The following SNX13 variants were observed in gnomAD, a reference collection of about 807,000 sequenced individuals.
SNX13 encodes sorting nexin 13, also known as sorting nexin-13.
SNX13 carries 45 observed loss-of-function variants against 133.6 expected under a neutral mutation model. That is an observed-to-expected ratio of 0.34 (90% CI 0.27 to 0.43). The LOEUF is 0.43. Ranked by LOEUF, SNX13 falls within the 20% of genes least tolerant of loss-of-function variation. SNX13 has a pLI of 1.00. For missense variants in SNX13, 1,032 were observed against 1,145.1 expected, an observed-to-expected ratio of 0.90 and a Z score of 1.43; for synonymous variants, 414 against 373.9, an observed-to-expected ratio of 1.11 and a Z score of -1.24.
At chr7:17,917,557 A>C (rs1261115067) in intron 1 of SNX13, among the ~76,000 whole-genome samples, 4 of 152,142 alleles carry the variant, frequency 2.6e-5, no homozygotes, top group Non-Finnish European at 5.9e-5. Flanking sequence ...ACAGCAATAA[A>C]AAGAAAAAAA....
chr7:17,800,973 T>A (rs1033578827), intron 22 of SNX13, among the ~76,000 whole-genome samples: 2 of 93,820 alleles, frequency 2.1e-5, no homozygotes, highest in African/African-American at 7.9e-5. Flanking sequence ...TACAAATAAT[T>A]TGAAAAAGTA....
intron 1 of SNX13, among the ~76,000 whole-genome samples, chr7:17,903,719 T>C (rs1169665531): frequency 6.6e-6 from 1 of 152,204 alleles, no homozygotes; most frequent in African/African-American, 2.4e-5. Flanking sequence ...CTTTAACCCA[T>C]AAAATTTGTC....
intron 10 of SNX13, 126 bp from the exon 11 acceptor site, chr7:17,850,561 C>A (rs899722198): frequency 7.7e-6 from 5 of 651,306 alleles, no homozygotes; most frequent in African/African-American, 3.8e-5. Context: ...ATAAAAGAAA[C>A]CATCTGAAAT....
chr7:17,804,564 G>A (rs565391250), intron 20 of SNX13, among the ~76,000 whole-genome samples: 2 of 151,792 alleles, frequency 1.3e-5, no homozygotes, highest in South Asian at 4.2e-4. Flanking sequence ...TCTTCAGAGT[G>A]ACAGAAAGCA....
intron 24 of SNX13, among the ~76,000 whole-genome samples, chr7:17,797,388 C>G (rs970824845): frequency 6.6e-6 from 1 of 151,810 alleles, no homozygotes; most frequent in African/African-American, 2.4e-5. Context: ...ATACTAAATT[C>G]TAAGCCCACA....
At chr7:17,916,593 A>G (rs1357327126) in intron 1 of SNX13, among the ~76,000 whole-genome samples, 2 of 152,142 alleles carry the variant, frequency 1.3e-5, no homozygotes, top group African/African-American at 2.4e-5. Flanking sequence ...CAAACTCCCA[A>G]AATTGAACTA....
rs892973060 is a variant in SNX13 at position 17,893,285 on chromosome 7, T to G, written c.228+47A>C. Reference sequence around the variant, plus strand: ...ATACAGATGATTACTCTATTATCATTGCAAAGAACTGGACTTTGAGGTTTT... The same window carrying G: ...ATACAGATGATTACTCTATTATCATGGCAAAGAACTGGACTTTGAGGTTTT... On this transcript the variant is annotated intron_variant, in intron 3 of 25. Coordinates refer to ENST00000428135, the MANE Select transcript of SNX13 (RefSeq NM_015132.5). The G allele has an allele frequency of 7.8e-6, 10 of 1,280,580 alleles. No individual in the cohort carries two copies. The African/African-American group carries it at 1.0e-4, about 13-fold the overall frequency. The allele number at this position is 1,280,580 out of a possible 1,614,324, so 79.3% of individuals were successfully genotyped here.
At chr7:17,807,834 G>C (rs1785494737) in intron 20 of SNX13, among the ~76,000 whole-genome samples, 2 of 78,342 alleles carry the variant, frequency 2.6e-5, no homozygotes, top group African/African-American at 1.1e-4. Context: ...AGGGTCTGGA[G>C]TGGGCCTCCA....
At chr7:17,852,549 A>G (rs931171814) in intron 9 of SNX13, among the ~76,000 whole-genome samples, 1 of 152,218 alleles carries the variant, frequency 6.6e-6, no homozygotes, top group Admixed American at 6.5e-5. Flanking sequence ...TCAAGAAAGA[A>G]AGAGCAGAGA....
chr7:17,890,446 C>A lies in SNX13; in HGVS notation c.357G>T (p.Trp119Cys). Residue 119 changes from tryptophan to cysteine, a missense_variant, in exon 5 of 26, where the codon TGG (tryptophan) becomes TGT (cysteine). Transcript: ENST00000428135. ...QFSLRDYVQY[W>C]YYTLSDDESF... Reference sequence around the variant, plus strand: ...ATTCATCATCGCTTAGTGTATAATACCAATACTGGACATAATCCCTCAAGG... The same window carrying A: ...ATTCATCATCGCTTAGTGTATAATAACAATACTGGACATAATCCCTCAAGG... 1.2e-6 allele frequency: 2 copies of A among 1,605,190 alleles called. No individual in the cohort carries two copies. The highest frequency in any genetic ancestry group is 1.7e-6 in the Non-Finnish European group (2 of 1,174,342).
chr7:17,830,985 T>A, intron 15 of SNX13: 4 of 984,328 alleles, frequency 4.1e-6, no homozygotes, highest in Non-Finnish European at 4.8e-6. Flanking sequence ...CATAAAAAAA[T>A]GGGAATTTCA....
chr7:17,927,055 TAAGCA>T (rs1424986984), intron 1 of SNX13, among the ~76,000 whole-genome samples: 1 of 152,048 alleles, frequency 6.6e-6, no homozygotes, highest in African/African-American at 2.4e-5. Flanking sequence ...ACCTATGTAA[TAAGCA>T]AAGATAAAAA....
chr7:17,913,178 C>CT (rs1233158019), intron 1 of SNX13, among the ~76,000 whole-genome samples: 1 of 152,192 alleles, frequency 6.6e-6, no homozygotes, highest in African/African-American at 2.4e-5. Flanking sequence ...CAAAACCCAC[C>CT]TTGGGTCAAA....
chr7:17,803,858 C>T (rs887697150), intron 20 of SNX13, among the ~76,000 whole-genome samples: 1 of 135,506 alleles, frequency 7.4e-6, no homozygotes, highest in African/African-American at 2.8e-5. Flanking sequence ...CCAGCCTGGG[C>T]AACACAGTGA....
At chr7:17,829,230 A>T (rs1705018260) in intron 16 of SNX13, among the ~76,000 whole-genome samples, 1 of 151,554 alleles carries the variant, frequency 6.6e-6, no homozygotes, top group South Asian at 2.1e-4. Context: ...TGCAGGTAGG[A>T]GGAAAAACAA....
At chr7:17,936,149 T>C (rs1271291472) in intron 1 of SNX13, among the ~76,000 whole-genome samples, 1 of 152,232 alleles carries the variant, frequency 6.6e-6, no homozygotes, top group Non-Finnish European at 1.5e-5. Context: ...AATTCTATCA[T>C]CTTCTTTGAA....
chr7:17,830,343 C>G (rs915999005), intron 15 of SNX13: 2 of 984,040 alleles, frequency 2.0e-6, no homozygotes, highest in African/African-American at 3.5e-5. Flanking sequence ...CTCATGGTAT[C>G]AAGTAAGTTG....
intron 1 of SNX13, 35 bp downstream of exon 1, chr7:17,940,249 T>C (rs1802677614): frequency 1.3e-6 from 2 of 1,554,310 alleles, no homozygotes; most frequent in African/African-American, 2.7e-5. Context: ...CCTTCCCCAT[T>C]TCACAGGTAA....
chr7:17,809,282 C>CAAAAAAAAA (rs535077123), intron 20 of SNX13, among the ~76,000 whole-genome samples: 6 of 49,276 alleles, frequency 1.2e-4, no homozygotes, highest in African/African-American at 1.6e-4. Context: ...AGATGGAAAG[C>CAAAAAAAAA]AAAAAAAAAA....
Sources: allele counts gnomAD v4.1 joint callset (sites outside exome capture counted in the v4.1 genomes callset), GRCh38; gene constraint gnomAD v4.1.1; transcripts MANE v1.5; gene names NCBI Gene and HGNC (gene_info 2026-07-23, HGNC 2026-07-21).